The following MDFIC variants were observed in gnomAD, a reference collection of about 807,000 sequenced individuals.
MDFIC encodes the protein myoD family inhibitor domain-containing protein.
Under a neutral mutation model 23.2 loss-of-function variants are expected in MDFIC, and 17 were observed. The observed-to-expected ratio is 0.73, with a 90% CI of 0.50 to 1.10. The LOEUF is 1.10. Among genes scored for constraint, MDFIC ranks in the 50% least tolerant of loss-of-function variants. MDFIC has a pLI of 0.00. For synonymous variants in MDFIC, 120 were observed against 115.2 expected (o/e 1.04, Z -0.27); for missense variants, 356 against 316.6 (o/e 1.12, Z -0.95).
chr7:114,936,339 T>C (rs943519450), intron 2 of MDFIC, among the ~76,000 whole-genome samples: 2 of 152,204 alleles, frequency 1.3e-5, no homozygotes, highest in African/African-American at 2.4e-5. Flanking sequence ...GTACAGAAAT[T>C]TGAAGCAACA....
chr7:114,951,009 A>G lies in MDFIC; in HGVS notation c.217+8612A>G, dbSNP rs139588361. Among the ~76,000 whole-genome samples, 429 of 152,182 alleles carry G rather than the reference A, an allele frequency of 2.8e-3. 1 individual carries two copies. Among genetic ancestry groups the G allele is most frequent in the Non-Finnish European group, 5.0e-3 (339 of 67,994 alleles). Reference sequence around the variant, plus strand: ...GGCAATATAGTGAAACCCTGACTCCATAAAACAAAACAAACACAAAAAAAT... The same window carrying G: ...GGCAATATAGTGAAACCCTGACTCCGTAAAACAAAACAAACACAAAAAAAT... On this transcript the variant is annotated intron_variant, in intron 3 of 4. Transcript: ENST00000393486.
chr7:114,931,825 C>T (rs749186318), intron 2 of MDFIC, among the ~76,000 whole-genome samples: 7 of 152,042 alleles, frequency 4.6e-5, no homozygotes, highest in South Asian at 2.1e-4. Context: ...AGAATTATGC[C>T]GTGTTGAGCC....
intron 3 of MDFIC, among the ~76,000 whole-genome samples, chr7:114,942,771 T>C (rs1194618476): frequency 2.0e-5 from 3 of 152,250 alleles, no homozygotes; most frequent in Non-Finnish European, 4.4e-5. Context: ...TCTGTTCTTC[T>C]AGCTAACTGA....
intron 3 of MDFIC, among the ~76,000 whole-genome samples, chr7:114,966,754 T>C (rs942519724): frequency 6.6e-6 from 1 of 152,214 alleles, no homozygotes; most frequent in African/African-American, 2.4e-5. Context: ...CAAATATTGT[T>C]TCTGGGTTCC....
At chr7:114,995,113 A>G (rs1273132412) in intron 4 of MDFIC, among the ~76,000 whole-genome samples, 2 of 152,156 alleles carry the variant, frequency 1.3e-5, no homozygotes, top group Non-Finnish European at 2.9e-5. Flanking sequence ...TCAGTCACTG[A>G]TACCCTTTCT....
chr7:114,986,572 C>T (rs1793517795), intron 4 of MDFIC, among the ~76,000 whole-genome samples: 1 of 152,234 alleles, frequency 6.6e-6, no homozygotes, highest in African/African-American at 2.4e-5. Flanking sequence ...ACTCCTTGCA[C>T]CTGGAATTTT....
intron 3 of MDFIC, among the ~76,000 whole-genome samples, chr7:114,950,448 A>G (rs1251926312): frequency 2.0e-5 from 3 of 152,236 alleles, no homozygotes; most frequent in Non-Finnish European, 4.4e-5. Flanking sequence ...AGCTACGGCT[A>G]TAAAATGGGT....
rs930922489 is a variant in MDFIC at position 114,923,027 on chromosome 7, G to A, written c.-7G>A. The A allele has an allele frequency of 4.9e-6, 7 of 1,431,384 alleles. No individual in the cohort carries two copies. In the African/African-American group the frequency reaches 1.1e-4, roughly 22 times the overall value. The allele number at this position is 1,431,384 out of a possible 1,614,324, so 88.7% of individuals were successfully genotyped here. On this transcript the variant is annotated 5_prime_UTR_variant, in exon 2 of 5. Transcript: ENST00000393486. ...AGCGGCGCGGCGCGGGCTCGGCGGA[G>A]CGGCCCATGTCCGGCGCGGGCGAAG...
intron 4 of MDFIC, among the ~76,000 whole-genome samples, chr7:114,989,099 A>G (rs1793559672): frequency 6.6e-6 from 1 of 152,198 alleles, no homozygotes; most frequent in Non-Finnish European, 1.5e-5. Context: ...GAGAGGTCAC[A>G]GTGCAAAGAA....
Position 115,001,206 on chromosome 7 carries a change from C to G in MDFIC, c.494-14482C>G, listed in dbSNP as rs149876696. Among the ~76,000 whole-genome samples, 33 of 152,232 alleles carry G rather than the reference C, an allele frequency of 2.2e-4. 1 individual carries two copies. The East Asian group carries it at 6.2e-3, about 28-fold the overall frequency. ...ATTCCTACAAATAAATAGTAGTTGT[C>G]TCTTAGAAGACTGAGAAATCCAGGA... is the stretch of plus-strand genomic sequence containing the variant. On this transcript the variant is annotated intron_variant, in intron 4 of 4. Coordinates refer to ENST00000393486, the MANE Select transcript of MDFIC (RefSeq NM_001166345.3).
intron 4 of MDFIC, among the ~76,000 whole-genome samples, chr7:115,013,613 A>C (rs1791726945): frequency 6.6e-6 from 1 of 152,210 alleles, no homozygotes; most frequent in African/African-American, 2.4e-5. Flanking sequence ...TATTCACTTG[A>C]AGGTACATTG....
chr7:114,995,134 C>T (rs187448031), intron 4 of MDFIC, among the ~76,000 whole-genome samples: 17 of 152,300 alleles, frequency 1.1e-4, no homozygotes, highest in African/African-American at 3.4e-4. Flanking sequence ...TCCAGTTGAT[C>T]GAATCGGCTA....
At chr7:114,971,501 T>C (rs1793204971) in intron 3 of MDFIC, among the ~76,000 whole-genome samples, 1 of 152,196 alleles carries the variant, frequency 6.6e-6, no homozygotes, top group Non-Finnish European at 1.5e-5. Context: ...TGCATCTATC[T>C]AAGTTTGTCA....
chr7:114,979,580 A>G lies in MDFIC; in HGVS notation c.292A>G (p.Asn98Asp). 1 of 1,614,108 alleles carries G rather than the reference A, an allele frequency of 6.2e-7. No individual in the cohort carries two copies. The highest frequency in any genetic ancestry group is 8.5e-7 in the Non-Finnish European group (1 of 1,179,992). The change falls in exon 4 of 5, where the codon AAC becomes GAC. Residue 98 changes from asparagine (N) to aspartate (D), a missense_variant. Coordinates refer to ENST00000393486, the MANE Select transcript of MDFIC (RefSeq NM_001166345.3). ...PSGEEIGKIK[N>D]GHTGLSNGNG... ...TGGTGAGGAAATAGGCAAGATAAAG[A>G]ACGGCCACACAGGTCTGAGCAATGG...
rs528620574 is a variant in MDFIC at position 114,995,564 on chromosome 7, G to T, written c.493+15783G>T. Among the ~76,000 whole-genome samples, 9 of 152,316 alleles carry T rather than the reference G, an allele frequency of 5.9e-5. No individual in the cohort carries two copies. The East Asian group carries it at 1.7e-3, about 29-fold the overall frequency. The stretch of plus-strand genomic sequence containing the variant: ...CTTTTTGGTAGTTTTCCTTCTAACA[G>T]TCAGGACCCTCAGCTGCAGGTCTGT... On this transcript the variant is annotated intron_variant, in intron 4 of 4. Transcript: ENST00000393486.
At chr7:114,983,814 G>A (rs1334594047) in intron 4 of MDFIC, among the ~76,000 whole-genome samples, 2 of 151,622 alleles carry the variant, frequency 1.3e-5, no homozygotes, top group African/African-American at 2.4e-5. Context: ...CAGGTGATCC[G>A]CCCACCTCGG....
intron 3 of MDFIC, among the ~76,000 whole-genome samples, chr7:114,958,179 T>A (rs1792919023): frequency 6.6e-6 from 1 of 152,186 alleles, no homozygotes; most frequent in South Asian, 2.1e-4. Flanking sequence ...CAGGAATAAA[T>A]ATCATAAACT....
chr7:115,018,789 A>G lies in MDFIC; in HGVS notation c.*2854A>G, dbSNP rs947639935. On this transcript the variant is annotated 3_prime_UTR_variant, in exon 5 of 5. Transcript: ENST00000393486. The stretch of plus-strand genomic sequence containing the variant: ...TACCGTATGTTTATATCTAATTGAC[A>G]TATTGACTAATGTTTGAAAGAATTC... 6.6e-6 allele frequency: 1 copy of G among 152,156 alleles called. No individual in the cohort carries two copies. The highest frequency in any genetic ancestry group is 2.4e-5 in the African/African-American group (1 of 41,448). The allele number at this position is 152,156 out of a possible 1,614,324, so 9.4% of individuals were successfully genotyped here.
chr7:114,977,360 A>C (rs1251674838), intron 3 of MDFIC, among the ~76,000 whole-genome samples: 1 of 152,116 alleles, frequency 6.6e-6, no homozygotes, highest in African/African-American at 2.4e-5. Context: ...TCCATTCAGT[A>C]GGGCTGTTCT....
Sources: allele counts gnomAD v4.1 joint callset (sites outside exome capture counted in the v4.1 genomes callset), GRCh38; gene constraint gnomAD v4.1.1; transcripts MANE v1.5; gene names NCBI Gene and HGNC (gene_info 2026-07-23, HGNC 2026-07-21).